OR3A2: variants seen among roughly 807,000 people sequenced by gnomAD.
OR3A2 encodes the protein olfactory receptor family 3 subfamily A member 2, also known as olfactory receptor 3A2.
For synonymous variants in OR3A2, 126 were observed against 159.3 expected, an observed-to-expected ratio of 0.79 and a Z score of 1.57; for missense variants, 318 against 392.8, an observed-to-expected ratio of 0.81 and a Z score of 1.61.
Position 3,282,897 on chromosome 17 carries a change from C to T in OR3A2, c.-7+1461G>A, listed in dbSNP as rs147465727. On this transcript the variant is annotated intron_variant, in intron 1 of 1. Transcript: ENST00000642052. ...CCCACCTGCAATGGTTTCCCTCCAA[C>T]GGCACATGCCCAGATATTTCACAAC... Among the ~76,000 whole-genome samples the T allele has an allele frequency of 4.9e-3, 747 of 152,318 alleles. 6 individuals are homozygous for T. The highest frequency in any genetic ancestry group is 0.017 in the African/African-American group (714 of 41,560).
chr17:3,307,160 C>T (rs2150629017), intron 3 of OR3A2, among the ~76,000 whole-genome samples: 1 of 152,288 alleles, frequency 6.6e-6, no homozygotes, highest in South Asian at 2.1e-4. Context: ...CAGAGGAAGG[C>T]CTCCTAGCCT....
In OR3A2 at chr17:3,311,269, G is replaced by T. The variant is rs1476908446; in HGVS notation, c.-85+24764C>A. The T allele has an allele frequency of 5.6e-6, 3 of 534,888 alleles. No individual in the cohort carries two copies. The highest frequency in any genetic ancestry group is 1.2e-5 in the Non-Finnish European group (3 of 260,390). 33.1% of individuals were successfully genotyped at this position (534,888 alleles called of 1,614,324 possible). ...GTGTCTCCAGGCCCACCAGTGCAGA[G>T]TTCCCTATGCTGCCTGCAGTTCACA... On this transcript the variant is annotated intron_variant, in intron 3 of 4. Coordinates refer to the OR3A2 transcript ENST00000573491. The surrounding 1 kb of genome is among the most constrained non-coding windows in gnomAD (Gnocchi z 4.6).
At chr17:3,372,824 G>T (rs2049642407) in intron 2 of OR3A2, among the ~76,000 whole-genome samples, 1 of 143,108 alleles carries the variant, frequency 7.0e-6, no homozygotes, top group Non-Finnish European at 1.5e-5. Flanking sequence ...GAAAGAGGGA[G>T]AGGGAGAGGG....
chr17:3,364,629 G>A (rs2049547896), intron 2 of OR3A2, among the ~76,000 whole-genome samples: 2 of 152,102 alleles, frequency 1.3e-5, no homozygotes, highest in Non-Finnish European at 2.9e-5. Context: ...GCAAGGATAT[G>A]GAGAAAAAGG....
At chr17:3,327,661 G>A (rs940523017) in intron 3 of OR3A2, among the ~76,000 whole-genome samples, 3 of 115,604 alleles carry the variant, frequency 2.6e-5, no homozygotes, top group African/African-American at 1.2e-4. Context: ...TAATGCCTAG[G>A]TTTTCTTCTA....
At position 3,329,503 on chromosome 17, in the gene OR3A2, G is replaced by T. The variant is rs187222973; in HGVS notation, c.-85+6530C>A. On this transcript the variant is annotated intron_variant, in intron 3 of 4. Transcript: ENST00000573491. ...GATTTTCTAGTTTATTTGTGTAGAGGTGTTTGTACTATTCTCTGATGGTAG... is the reference window on the plus strand; with the variant it reads ...GATTTTCTAGTTTATTTGTGTAGAGTTGTTTGTACTATTCTCTGATGGTAG... 9.6e-5 allele frequency among the ~76,000 whole-genome samples: 13 copies of T among 135,344 alleles called. 1 individual carries two copies. In the East Asian group the frequency reaches 2.6e-3, roughly 27 times the overall value. 88.8% of individuals were successfully genotyped at this position (135,344 alleles called of 152,430 possible).
chr17:3,371,837 C>T (rs1380120495), intron 2 of OR3A2, among the ~76,000 whole-genome samples: 11 of 140,846 alleles, frequency 7.8e-5, no homozygotes, highest in Non-Finnish European at 1.4e-4. Flanking sequence ...ACCTCCCCAC[C>T]ACCTCCCGCC....
At chr17:3,383,619 G>A (rs1023585049) in intron 2 of OR3A2, among the ~76,000 whole-genome samples, 3 of 152,108 alleles carry the variant, frequency 2.0e-5, no homozygotes, top group Non-Finnish European at 4.4e-5. Flanking sequence ...CAGTTGAGAA[G>A]AATCCTACAA....
intron 2 of OR3A2, among the ~76,000 whole-genome samples, chr17:3,345,414 A>G (rs1338800096): frequency 8.1e-6 from 1 of 123,816 alleles, no homozygotes; most frequent in Non-Finnish European, 1.6e-5. Context: ...CAAGAGAAAA[A>G]AAGGAAAGAG....
At chr17:3,277,963 T>C in exon 2 of OR3A2, 2 of 1,586,108 alleles carry the variant, frequency 1.3e-6, no homozygotes, top group Non-Finnish European at 1.7e-6. Context: ...AGGGACCCCA[T>C]TACCTCTCAG....
intron 3 of OR3A2, among the ~76,000 whole-genome samples, chr17:3,313,292 T>C (rs1430301522): frequency 6.6e-6 from 1 of 152,190 alleles, no homozygotes; most frequent in African/African-American, 2.4e-5. Flanking sequence ...GGGCCTTAGA[T>C]TATCTCAGCA....
chr17:3,323,285 C>T (rs2150636821), intron 3 of OR3A2, among the ~76,000 whole-genome samples: 1 of 151,766 alleles, frequency 6.6e-6, no homozygotes, highest in East Asian at 1.9e-4. Context: ...GGGTTCAGCA[C>T]ACTAATGGGT....
intron 2 of OR3A2, among the ~76,000 whole-genome samples, chr17:3,356,276 T>C (rs934525832): frequency 6.6e-6 from 1 of 151,544 alleles, no homozygotes; most frequent in Non-Finnish European, 1.5e-5. Flanking sequence ...ACACCACAGT[T>C]ATAGTGTTTT....
At chr17:3,287,972 TAAA>T (rs1394296211), upstream of OR3A2, among the ~76,000 whole-genome samples, 1 of 151,574 alleles carries the variant, frequency 6.6e-6, no homozygotes, top group Admixed American at 6.6e-5. Context: ...ATATTTGACT[TAAA>T]AAGAAATGTA....
chr17:3,380,026 G>C (rs956140852), intron 2 of OR3A2, among the ~76,000 whole-genome samples: 4 of 152,172 alleles, frequency 2.6e-5, no homozygotes, highest in Non-Finnish European at 4.4e-5. Flanking sequence ...AGAATTTCCA[G>C]GCTAATCAAT....
At chr17:3,337,080 T>C (rs989868311) in intron 2 of OR3A2, among the ~76,000 whole-genome samples, 2 of 152,180 alleles carry the variant, frequency 1.3e-5, no homozygotes, top group Non-Finnish European at 2.9e-5. Context: ...GACATTCAGG[T>C]CCCAGGAAGC....
chr17:3,332,342 G>A (rs2049242965), intron 3 of OR3A2, among the ~76,000 whole-genome samples: 2 of 152,168 alleles, frequency 1.3e-5, no homozygotes, highest in East Asian at 3.9e-4. Flanking sequence ...ATCTCAGACT[G>A]CTGTGCTAGC....
rs956700814 is a variant in OR3A2 at position 3,333,404 on chromosome 17, A to G, written c.-85+2629T>C. On this transcript the variant is annotated intron_variant, in intron 3 of 4. Transcript: ENST00000573491. ...ATTCTAATTTTGCCTTTGCCTTGTG[A>G]TCTTTGCTTTGCCCTTTGCCTTGTG... Among the ~76,000 whole-genome samples, 4 of 152,220 alleles carry G rather than the reference A, an allele frequency of 2.6e-5. No homozygotes were observed. The East Asian group carries it at 7.7e-4, about 29-fold the overall frequency.
intron 2 of OR3A2, among the ~76,000 whole-genome samples, chr17:3,347,765 T>A (rs1445480623): frequency 2.0e-5 from 3 of 152,320 alleles, no homozygotes; most frequent in African/African-American, 7.2e-5. Context: ...TACCCAGTAA[T>A]GGGATGGCTG....
Sources: allele counts gnomAD v4.1 joint callset (sites outside exome capture counted in the v4.1 genomes callset), GRCh38; gene constraint gnomAD v4.1.1; non-coding constraint Gnocchi (gnomAD v3.1); transcripts MANE v1.5; gene names NCBI Gene and HGNC (gene_info 2026-07-23, HGNC 2026-07-21).